ENOX1: variants seen among roughly 807,000 people sequenced by gnomAD.
ENOX1 encodes candidate growth-related and time keeping constitutive hydroquinone (NADH) oxidase.
Under a neutral mutation model 82.5 loss-of-function variants are expected in ENOX1, and 42 were observed. The ratio of observed to expected loss-of-function variants is 0.51; its 90% CI spans 0.40 to 0.66. The LOEUF (loss-of-function observed/expected upper bound fraction) is 0.66, where lower values mean the gene tolerates loss of function less well. Ranked by LOEUF, ENOX1 falls within the 30% of genes least tolerant of loss-of-function variation. ENOX1 has a pLI of 0.00. For synonymous variants in ENOX1, 271 were observed against 282.2 expected, an observed-to-expected ratio of 0.96 and a Z score of 0.40; for missense variants, 608 against 811.6, an observed-to-expected ratio of 0.75 and a Z score of 3.05.
intron 5 of ENOX1, among the ~76,000 whole-genome samples, chr13:43,398,330 G>A (rs1342349601): frequency 6.6e-6 from 1 of 152,124 alleles, no homozygotes; most frequent in African/African-American, 2.4e-5. Context: ...CATCAGACAA[G>A]CTTCCCTACC....
chr13:43,456,130 T>C (rs1422892148), intron 3 of ENOX1, among the ~76,000 whole-genome samples: 1 of 152,148 alleles, frequency 6.6e-6, no homozygotes, highest in South Asian at 2.1e-4. Context: ...TTTTATTTTA[T>C]AGATATAACA....
intron 2 of ENOX1, among the ~76,000 whole-genome samples, chr13:43,552,043 C>T (rs912957861): frequency 1.3e-5 from 2 of 152,162 alleles, no homozygotes; most frequent in African/African-American, 2.4e-5. Context: ...CATCTCCAAC[C>T]TCTCCAGGAA....
At chr13:43,540,262 T>C (rs773346821) in intron 2 of ENOX1, among the ~76,000 whole-genome samples, 1 of 152,172 alleles carries the variant, frequency 6.6e-6, no homozygotes, top group African/African-American at 2.4e-5. Context: ...CCTAACACTA[T>C]TCAGCATCAA....
chr13:43,734,080 C>A (rs532503932), intron 1 of ENOX1, among the ~76,000 whole-genome samples: 2 of 152,198 alleles, frequency 1.3e-5, no homozygotes, highest in African/African-American at 4.8e-5. Context: ...TCAAGGACTT[C>A]GGACAAAACA....
intron 1 of ENOX1, among the ~76,000 whole-genome samples, chr13:43,739,419 T>C (rs1450223620): frequency 6.6e-6 from 1 of 151,928 alleles, no homozygotes; most frequent in African/African-American, 2.4e-5. Context: ...CATGGTGGCA[T>C]GCGCCTGTAG....
rs114634129 is a variant in ENOX1 at position 43,297,789 on chromosome 13, T to C, written c.1446+557A>G. Among the ~76,000 whole-genome samples the C allele has an allele frequency of 2.9e-3, 440 of 152,178 alleles. 3 individuals carry two copies. The highest frequency in any genetic ancestry group is 0.01 in the African/African-American group (423 of 41,548). ...GCACTCTTCAACAAAAACACAGCTA[T>C]TGCCCTGTTTCTAAAGTTATTTATC... is the stretch of plus-strand genomic sequence containing the variant. On this transcript the variant is annotated intron_variant, in intron 12 of 16. Transcript: ENST00000690772.
intron 2 of ENOX1, among the ~76,000 whole-genome samples, chr13:43,584,668 T>C (rs977838206): frequency 6.6e-6 from 1 of 152,180 alleles, no homozygotes; most frequent in African/African-American, 2.4e-5. Flanking sequence ...TACAATGAAA[T>C]GACAAATCTC....
chr13:43,231,463 C>T (rs1191665989), intron 15 of ENOX1, among the ~76,000 whole-genome samples: 2 of 152,194 alleles, frequency 1.3e-5, no homozygotes, highest in Non-Finnish European at 2.9e-5. Context: ...GTTTATTCCG[C>T]TTACTTGGTG....
At chr13:43,345,578 C>T (rs917708143) in intron 8 of ENOX1, among the ~76,000 whole-genome samples, 9 of 152,052 alleles carry the variant, frequency 5.9e-5, no homozygotes, top group South Asian at 2.1e-4. Context: ...GGAACAAACC[C>T]GTGTTGTATG....
rs1228709818 is a variant in ENOX1 at position 43,265,267 on chromosome 13, C to G, written c.1611+131G>C. The stretch of plus-strand genomic sequence containing the variant: ...TGTCAATCACATTTTCTTGCCAAAC[C>G]CATATATTAATCTTAAGCTGCTGAC... On this transcript the variant is annotated intron_variant, in intron 14 of 16. Transcript: ENST00000690772. 3 of 688,870 alleles carry G rather than the reference C, an allele frequency of 4.4e-6. No homozygotes were observed. The East Asian group carries it at 8.2e-5, about 19-fold the overall frequency. The allele number at this position is 688,870 out of a possible 1,614,324, so 42.7% of individuals were successfully genotyped here.
intron 1 of ENOX1, among the ~76,000 whole-genome samples, chr13:43,714,161 T>C (rs370499161): frequency 0.031 from 4,625 of 150,734 alleles, 98 homozygotes; most frequent in Non-Finnish European, 0.043. Context: ...CTGCCTTCAT[T>C]TCGTTATATA....
At chr13:43,696,178 T>C (rs1035696985) in intron 1 of ENOX1, among the ~76,000 whole-genome samples, 1 of 152,236 alleles carries the variant, frequency 6.6e-6, no homozygotes, top group Admixed American at 6.5e-5. Context: ...TAATACCAGA[T>C]TTTGTTTATC....
At chr13:43,630,930 TG>T (rs1337745651) in intron 2 of ENOX1, among the ~76,000 whole-genome samples, 5 of 129,252 alleles carry the variant, frequency 3.9e-5, no homozygotes, top group East Asian at 2.5e-4. Context: ...TGTGTGTGTG[TG>T]TTTGTGTGTG....
intron 14 of ENOX1, among the ~76,000 whole-genome samples, chr13:43,237,643 T>C (rs2042613990): frequency 6.6e-6 from 1 of 152,100 alleles, no homozygotes; most frequent in Non-Finnish European, 1.5e-5. Flanking sequence ...ATTCAGAAGG[T>C]TTGAACAAAT....
In ENOX1 at chr13:43,374,386, C is replaced by T. The variant is rs369979901; in HGVS notation, c.209-12934G>A. Among the ~76,000 whole-genome samples, 7 of 151,836 alleles carry T rather than the reference C, an allele frequency of 4.6e-5. No individual in the cohort carries two copies. In the East Asian group the frequency reaches 1.4e-3, roughly 30 times the overall value. ...TCAGCCTCCCAAATAGCTGGGACTA[C>T]AGGTGTGTGCCACCACACCTGGCTA... On this transcript the variant is annotated intron_variant, in intron 5 of 16. Coordinates refer to ENST00000690772, the MANE Select transcript of ENOX1 (RefSeq NM_001347969.2).
At chr13:43,553,827 A>G (rs772153997) in intron 2 of ENOX1, among the ~76,000 whole-genome samples, 6 of 152,190 alleles carry the variant, frequency 3.9e-5, no homozygotes, top group Non-Finnish European at 7.3e-5. Flanking sequence ...CGCTTACTGC[A>G]GCCTCTGCCT....
At chr13:43,338,796 C>T (rs1249404422) in intron 9 of ENOX1, among the ~76,000 whole-genome samples, 1 of 150,130 alleles carries the variant, frequency 6.7e-6, no homozygotes, top group Non-Finnish European at 1.5e-5. Flanking sequence ...CGCCATTCTC[C>T]TGCCTCAGCC....
intron 1 of ENOX1, among the ~76,000 whole-genome samples, chr13:43,673,822 A>C (rs547629459): frequency 1.3e-5 from 2 of 152,344 alleles, no homozygotes; most frequent in African/African-American, 4.8e-5. Context: ...TTTTTATGTT[A>C]TACACAGCTT....
chr13:43,376,831 T>C (rs2051670728), intron 5 of ENOX1, among the ~76,000 whole-genome samples: 1 of 152,076 alleles, frequency 6.6e-6, no homozygotes, highest in African/African-American at 2.4e-5. Flanking sequence ...GTTGGGAGGA[T>C]CCAGGTCAGA....
Sources: gnomAD v4.1 joint callset for allele counts (sites outside exome capture counted in the v4.1 genomes callset) on GRCh38, gnomAD v4.1.1 for gene constraint, MANE v1.5 for transcripts, NCBI Gene and HGNC (gene_info 2026-07-23, HGNC 2026-07-21) for gene names.